Variants in C20orf203 observed in about 807,000 individuals in gnomAD.
C20orf203 encodes the protein uncharacterized protein C20orf203.
In C20orf203, 16 loss-of-function variants were observed where a neutral mutation model predicts 15.9. The ratio of observed to expected loss-of-function variants is 1.01; its 90% CI spans 0.68 to 1.53. The LOEUF is 1.53. C20orf203 is among the 40% of genes most tolerant of loss of function. C20orf203 has a pLI of 0.00. For missense variants in C20orf203, 263 were observed against 247.5 expected (o/e 1.06, Z -0.42); for synonymous variants, 98 against 97.2 (o/e 1.01, Z -0.05).
intron 1 of C20orf203, among the ~76,000 whole-genome samples, chr20:32,666,155 T>TAAAAAAAAAAAAAAAAAAAAA (rs147487671): frequency 9.7e-6 from 1 of 102,774 alleles, no homozygotes; most frequent in Non-Finnish European, 1.9e-5. Flanking sequence ...ATAAATAAAG[T>TAAAAAAAAAAAAAAAAAAAAA]AAAAAAAAAA....
intron 3 of C20orf203, 40 bp downstream of exon 3, chr20:32,650,978 T>C: frequency 1.4e-6 from 2 of 1,449,372 alleles, no homozygotes; most frequent in Non-Finnish European, 1.8e-6. Flanking sequence ...CAGTCCCCAG[T>C]GTCAGCCCAG....
chr20:32,648,628 G>T lies in C20orf203; in HGVS notation c.*1177+627C>A, dbSNP rs57692267. Among the ~76,000 whole-genome samples, 654 of 139,798 alleles carry T rather than the reference G, an allele frequency of 4.7e-3. 1 individual carries two copies. The highest frequency in any genetic ancestry group is 5.9e-3 in the Non-Finnish European group (377 of 64,024). 91.7% of individuals were successfully genotyped at this position (139,798 alleles called of 152,430 possible). A position where few individuals can be genotyped will look rare whatever the true frequency, so the allele number is the denominator to read the frequency against. ...GCTAATTTTTTTTTTTTGTGTGTGT[G>T]TTTTTAGTAGAGACAGGGTTTCACC... On this transcript the variant is annotated intron_variant, in intron 4 of 5. Coordinates refer to ENST00000608990, the MANE Select transcript of C20orf203 (RefSeq NM_182584.4).
chr20:32,648,618 T>G (rs78583633), intron 4 of C20orf203, among the ~76,000 whole-genome samples: 2,775 of 144,786 alleles, frequency 0.019, 92 homozygotes, highest in East Asian at 0.13. Flanking sequence ...TTTTTTTTTT[T>G]TGTGTGTGTG....
At chr20:32,644,751 G>C (rs1568747293) in intron 4 of C20orf203, among the ~76,000 whole-genome samples, 1 of 144,732 alleles carries the variant, frequency 6.9e-6, no homozygotes, top group African/African-American at 2.5e-5. Context: ...TTCTTCCCTA[G>C]GCCCTGCGAG....
Position 32,633,993 on chromosome 20 carries a change from A to G in C20orf203, c.*1577T>C. 2.5e-6 allele frequency: 1 copy of G among 398,430 alleles called. No homozygotes were observed. The allele number at this position is 398,430 out of a possible 1,614,324, so 24.7% of individuals were successfully genotyped here. A position where few individuals can be genotyped will look rare whatever the true frequency, so the allele number is the denominator to read the frequency against. On this transcript the variant is annotated 3_prime_UTR_variant, in exon 6 of 6. Transcript: ENST00000608990. ...TTTCATGCGTTCATTCATGTGTCCA[A>G]CTCTTCACTCCTTTCCTCAACAAAC...
At chr20:32,670,163 T>C (rs980672653) in intron 1 of C20orf203, among the ~76,000 whole-genome samples, 10 of 151,552 alleles carry the variant, frequency 6.6e-5, no homozygotes, top group Non-Finnish European at 1.3e-4. Flanking sequence ...TGAGCCGAGA[T>C]TGAGCCACTG....
chr20:32,661,443 C>A (rs1174147121), intron 1 of C20orf203, among the ~76,000 whole-genome samples: 2 of 152,200 alleles, frequency 1.3e-5, no homozygotes, highest in African/African-American at 4.8e-5. Flanking sequence ...AAGGCCCCTG[C>A]CTTTCTGAAG....
In C20orf203 at chr20:32,633,793, G is replaced by A. The variant is rs563619711; in HGVS notation, c.*1777C>T. Reference sequence around the variant, plus strand: ...CAGTCGCCCTGACAGCCCCCTCACCGCGTTGCACTACCTGGTCCCCTGGTC... The same window carrying A: ...CAGTCGCCCTGACAGCCCCCTCACCACGTTGCACTACCTGGTCCCCTGGTC... On this transcript the variant is annotated 3_prime_UTR_variant, in exon 6 of 6. Coordinates refer to ENST00000608990, the MANE Select transcript of C20orf203 (RefSeq NM_182584.4). 234 of 372,722 alleles carry A rather than the reference G, an allele frequency of 6.3e-4. 1 individual carries two copies. The highest frequency in any genetic ancestry group is 1.3e-3 in the South Asian group (9 of 6,750). 23.1% of individuals were successfully genotyped at this position (372,722 alleles called of 1,614,324 possible).
At chr20:32,638,752 G>A (rs557469006) in intron 5 of C20orf203, among the ~76,000 whole-genome samples, 15 of 152,342 alleles carry the variant, frequency 9.8e-5, no homozygotes, top group Admixed American at 3.3e-4. Context: ...CACAGAAGCC[G>A]TGGACCACCT....
chr20:32,673,572 C>G (rs1236088371), intron 1 of C20orf203, 60 bp downstream of exon 1: 4 of 152,538 alleles, frequency 2.6e-5, no homozygotes, highest in Admixed American at 6.5e-5. Context: ...TCACCATCCC[C>G]TGCTTAAAAC....
chr20:32,663,234 C>G (rs1362301200), intron 1 of C20orf203, among the ~76,000 whole-genome samples: 1 of 151,594 alleles, frequency 6.6e-6, no homozygotes, highest in African/African-American at 2.4e-5. Context: ...AGGTGCGAGC[C>G]CCCGCACCCA....
chr20:32,645,366 TC>T (rs1342498403), intron 4 of C20orf203, among the ~76,000 whole-genome samples: 1 of 152,120 alleles, frequency 6.6e-6, no homozygotes, highest in Non-Finnish European at 1.5e-5. Flanking sequence ...CCTTCCAGAA[TC>T]CTGGCACTCA....
rs748727681 is a variant in C20orf203, at chr20:32,633,209, C to T, written c.*2361G>A. The T allele has an allele frequency of 3.3e-5, 5 of 152,118 alleles. No homozygotes were observed. The highest frequency in any genetic ancestry group is 5.9e-5 in the Non-Finnish European group (4 of 68,032). The allele number at this position is 152,118 out of a possible 1,614,324, so 9.4% of individuals were successfully genotyped here. On this transcript the variant is annotated 3_prime_UTR_variant, in exon 6 of 6. Coordinates refer to ENST00000608990, the MANE Select transcript of C20orf203 (RefSeq NM_182584.4). ...TTGCCTGGGACTGTGCCAGGAAAACCCTCAGTTTTGGACAAACCAGGATGG... is the reference window on the plus strand; with the variant it reads ...TTGCCTGGGACTGTGCCAGGAAAACTCTCAGTTTTGGACAAACCAGGATGG...
At chr20:32,668,354 G>A (rs943072293) in intron 1 of C20orf203, among the ~76,000 whole-genome samples, 4 of 152,076 alleles carry the variant, frequency 2.6e-5, no homozygotes, top group Admixed American at 6.6e-5. Flanking sequence ...GGTGGGGCAC[G>A]GTGGCTCACA....
intron 1 of C20orf203, among the ~76,000 whole-genome samples, chr20:32,664,503 G>A (rs1455974290): frequency 1.3e-5 from 2 of 152,162 alleles, no homozygotes; most frequent in African/African-American, 2.4e-5. Context: ...CCCTCCTCCT[G>A]GGCTATTTTA....
chr20:32,650,564 A>G lies in C20orf203; in HGVS notation c.453T>C (p.Ala151=), dbSNP rs1982583103. The G allele has an allele frequency of 6.5e-7, 1 of 1,548,916 alleles. No homozygotes were observed. Among genetic ancestry groups the G allele is most frequent in the Non-Finnish European group, 8.7e-7 (1 of 1,145,492 alleles). ...RMGTVGDFGQ[A]LSSLAWTSTC... ...TTGAGGTCCAGGCCAGCGAGGACAG[A>G]GCTTGGCCAAAGTCCCCCACCGTGC... The change falls in exon 4 of 6, where the codon GCT becomes GCC. Residue 151 remains alanine, a synonymous_variant. Transcript: ENST00000608990.
At chr20:32,664,341 G>T (rs1271954987) in intron 1 of C20orf203, among the ~76,000 whole-genome samples, 1 of 152,216 alleles carries the variant, frequency 6.6e-6, no homozygotes, top group East Asian at 1.9e-4. Flanking sequence ...AGAAGCCAGT[G>T]GTCTCCAGCC....
chr20:32,648,829 T>C (rs916098055), intron 4 of C20orf203, among the ~76,000 whole-genome samples: 1 of 152,192 alleles, frequency 6.6e-6, no homozygotes, highest in South Asian at 2.1e-4. Flanking sequence ...GGAGTTCCTA[T>C]TGGCCCTTCA....
At position 32,650,653 on chromosome 20, in the gene C20orf203, C is replaced by G; in HGVS notation, c.364G>C (p.Val122Leu). 1 of 1,549,392 alleles carries G rather than the reference C, an allele frequency of 6.5e-7. No individual in the cohort carries two copies. Among genetic ancestry groups the G allele is most frequent in the Non-Finnish European group, 8.7e-7 (1 of 1,146,432 alleles). The part of the protein sequence containing the change: ...LSKVGRRDRE[V>L]GRGLRAPAGR... ...GCAGGGGCCCGCAGCCCCCTCCCCA[C>G]TTCCCTATCTCTCCGACCCACCTTG... Residue 122 changes from valine to leucine, a missense_variant, in exon 4 of 6, where the codon GTG becomes CTG. By Grantham distance (32) the Val-to-Leu change is conservative. Coordinates refer to ENST00000608990, the MANE Select transcript of C20orf203 (RefSeq NM_182584.4).
Sources: gnomAD v4.1 joint callset for allele counts (sites outside exome capture counted in the v4.1 genomes callset) on GRCh38, gnomAD v4.1.1 for gene constraint, MANE v1.5 for transcripts, NCBI Gene and HGNC (gene_info 2026-07-23, HGNC 2026-07-21) for gene names.